The following PPP1R3F variants were observed in gnomAD, a reference collection of about 807,000 sequenced individuals.
PPP1R3F encodes the protein protein phosphatase 1 regulatory subunit 3F.
PPP1R3F carries 29 observed loss-of-function variants against 24.2 expected under a neutral mutation model. The observed-to-expected ratio is 1.20, with a 90% CI of 0.89 to 1.63. The LOEUF (loss-of-function observed/expected upper bound fraction) is 1.63, where lower values mean the gene tolerates loss of function less well. Ranked by LOEUF, PPP1R3F falls within the 40% of genes most tolerant of loss-of-function variation. PPP1R3F has a pLI of 0.00. For synonymous variants in PPP1R3F, 363 were observed against 340.1 expected, an observed-to-expected ratio of 1.07 and a Z score of -0.74; for missense variants, 823 against 729.3, an observed-to-expected ratio of 1.13 and a Z score of -1.48.
intron 3 of PPP1R3F, among the ~76,000 whole-genome samples, chrX:49,300,654 T>C (rs782387563): frequency 1.8e-5 from 2 of 109,675 alleles, no homozygotes; most frequent in East Asian, 5.7e-4. Flanking sequence ...CGTGGCCCGA[T>C]TAATTTTGTT....
At chrX:49,284,975 G>A (rs954604374) in intron 3 of PPP1R3F, among the ~76,000 whole-genome samples, 1 of 111,429 alleles carries the variant, frequency 9.0e-6, no homozygotes, top group Non-Finnish European at 1.9e-5. Flanking sequence ...TTAAAGAGAA[G>A]ATGATACATC....
intron 3 of PPP1R3F, among the ~76,000 whole-genome samples, chrX:49,283,676 G>A (rs2066263182): frequency 1.8e-5 from 2 of 111,372 alleles, no homozygotes; most frequent in Admixed American, 1.9e-4. Context: ...TTTGTTGGTT[G>A]AAGAAACTTT....
At chrX:49,276,674 G>A (rs782231494) in intron 1 of PPP1R3F, among the ~76,000 whole-genome samples, 2 of 111,876 alleles carry the variant, frequency 1.8e-5, no homozygotes, top group South Asian at 3.7e-4. Flanking sequence ...ACTATGGGTC[G>A]TGGCCAAAGA....
chrX:49,293,408 C>T (rs1405765814), intron 3 of PPP1R3F, among the ~76,000 whole-genome samples: 1 of 112,193 alleles, frequency 8.9e-6, no homozygotes, highest in African/African-American at 3.2e-5. Context: ...TATATGTAAA[C>T]TTGGGAGAGA....
chrX:49,300,081 C>T (rs1474497720), intron 3 of PPP1R3F, among the ~76,000 whole-genome samples: 1 of 111,859 alleles, frequency 8.9e-6, no homozygotes, highest in Non-Finnish European at 1.9e-5. Flanking sequence ...CTGCAGCAAG[C>T]TCCATATCTG....
intron 3 of PPP1R3F, among the ~76,000 whole-genome samples, chrX:49,282,453 G>C (rs2066255403): frequency 2.0e-5 from 2 of 99,073 alleles, no homozygotes; most frequent in Non-Finnish European, 4.1e-5. Context: ...CTGTGTGTGT[G>C]TGTGTGTGTG....
intron 1 of PPP1R3F, chrX:49,273,120 A>G (rs1367030422): frequency 1.9e-5 from 2 of 105,446 alleles, no homozygotes; most frequent in Admixed American, 2.1e-4. Context: ...GTACATATGT[A>G]TGCACTTGTG....
rs1557118805 is a variant in PPP1R3F, at chrX:49,270,378, T to A, written c.509T>A (p.Val170Glu). The A allele has an allele frequency of 3.4e-6, 4 of 1,160,383 alleles. No individual in the cohort carries two copies. The highest frequency in any genetic ancestry group is 4.6e-6 in the Non-Finnish European group (4 of 876,056). Residue 170 changes from valine (V) to glutamate (E), a missense_variant, in exon 1 of 4, where the codon GTG becomes GAG. Coordinates refer to ENST00000055335, the MANE Select transcript of PPP1R3F (RefSeq NM_033215.5). ...CCGGTGCTGCGCGGGTTGGTACGCG[T>A]GCTGAACCGCTCCTTCGAGAAGGCG... is the stretch of plus-strand genomic sequence containing the variant. The part of the protein sequence containing the change: ...RPPVLRGLVR[V>E]LNRSFEKAVH...
intron 3 of PPP1R3F, among the ~76,000 whole-genome samples, chrX:49,285,432 G>A (rs2066275624): frequency 1.8e-5 from 2 of 111,484 alleles, no homozygotes; most frequent in African/African-American, 6.5e-5. Flanking sequence ...CTAGTTTCAT[G>A]TGATCCGCCC....
rs782200406 is a variant in PPP1R3F at position 49,269,804 on chromosome X, G to C, written c.-66G>C. 1 of 698,264 alleles carries C rather than the reference G, an allele frequency of 1.4e-6. No individual in the cohort carries two copies. Among genetic ancestry groups the C allele is most frequent in the Admixed American group, 7.0e-5 (1 of 14,384 alleles). 57.5% of individuals were successfully genotyped at this position (698,264 alleles called of 1,213,427 possible). A position where few individuals can be genotyped will look rare whatever the true frequency, so the allele number is the denominator to read the frequency against. On this transcript the variant is annotated 5_prime_UTR_variant, in exon 1 of 4. Transcript: ENST00000055335. ...GCGCTGGCCTTCCCATTGGCTGCCCGCCCCTTCAGGCCCTGCCCCCGCCGG... is the reference window on the plus strand; with the variant it reads ...GCGCTGGCCTTCCCATTGGCTGCCCCCCCCTTCAGGCCCTGCCCCCGCCGG...
chrX:49,285,438 C>T (rs193240548), intron 3 of PPP1R3F, among the ~76,000 whole-genome samples: 22 of 111,385 alleles, frequency 2.0e-4, no homozygotes, highest in Non-Finnish European at 3.4e-4. Flanking sequence ...TCATGTGATC[C>T]GCCCGCCTTG....
At chrX:49,283,846 CTTT>C (rs1261868918) in intron 3 of PPP1R3F, among the ~76,000 whole-genome samples, 2 of 109,961 alleles carry the variant, frequency 1.8e-5, no homozygotes, top group East Asian at 2.8e-4. Flanking sequence ...TGTATTTAAT[CTTT>C]TATTATTAAA....
Position 49,269,997 on chromosome X carries a change from C to A in PPP1R3F, c.128C>A (p.Ala43Asp). The change falls in exon 1 of 4, where the codon GCC becomes GAC. Residue 43 changes from alanine (A) to aspartate (D), a missense_variant. By Grantham distance (126) the Ala-to-Asp change is moderately radical (BLOSUM62 -2). Coordinates refer to ENST00000055335, the MANE Select transcript of PPP1R3F (RefSeq NM_033215.5). ...APRRVLFADE[A>D]LGLPLAQLRR... ...CGGAGGGTGCTGTTCGCCGACGAGG[C>A]CTTGGGGCTGCCGCTGGCGCAGTTG... 6 of 921,833 alleles carry A rather than the reference C, an allele frequency of 6.5e-6. No individual in the cohort carries two copies. Among genetic ancestry groups the A allele is most frequent in the Non-Finnish European group, 8.0e-6 (6 of 746,563 alleles). The allele number at this position is 921,833 out of a possible 1,213,427, so 76.0% of individuals were successfully genotyped here.
At position 49,282,021 on chromosome X, in the gene PPP1R3F, A is replaced by G. The variant is rs781794235; in HGVS notation, c.1101A>G (p.Val367=). The part of the protein sequence containing the change: ...PDVQESVGPL[V]APTPLRPWPQ... ...TCCAGGAGTCAGTGGGTCCACTGGT[A>G]GCCCCCACCCCTCTCCGTCCATGGC... The change falls in exon 3 of 4, where the codon GTA becomes GTG. Residue 367 remains valine, a synonymous_variant. Coordinates refer to ENST00000055335, the MANE Select transcript of PPP1R3F (RefSeq NM_033215.5). 8.3e-7 allele frequency: 1 copy of G among 1,208,446 alleles called. No homozygotes were observed. Among genetic ancestry groups the G allele is most frequent in the African/African-American group, 1.8e-5 (1 of 57,025 alleles).
rs782740310 is a variant in PPP1R3F, at chrX:49,286,375, G to A, written c.1685G>A (p.Arg562His). Residue 562 changes from arginine to histidine, a missense_variant, in exon 4 of 4, where the codon CGT (arginine) becomes CAT (histidine). Arg to His is a conservative substitution (Grantham distance 29). Coordinates refer to ENST00000055335, the MANE Select transcript of PPP1R3F (RefSeq NM_033215.5). ...EITLHYARLG[R>H]GVELIKDTED... ...ACGCTGCACTATGCCCGGCTGGGGC[G>A]TGGCGTGGAGCTCATCAAGGACACC... 6 of 1,192,493 alleles carry A rather than the reference G, an allele frequency of 5.0e-6. No homozygotes were observed. The highest frequency in any genetic ancestry group is 3.0e-5 in the East Asian group (1 of 33,576).
rs189898477 is a variant in PPP1R3F, at chrX:49,283,096, A to C, written c.1143+1033A>C. Among the ~76,000 whole-genome samples, 571 of 110,203 alleles carry C rather than the reference A, an allele frequency of 5.2e-3. 5 individuals carry two copies. The highest frequency in any genetic ancestry group is 0.018 in the African/African-American group (544 of 30,201). On this transcript the variant is annotated intron_variant, in intron 3 of 3. Transcript: ENST00000055335. ...GTAAAATAGTATAATGAACCTACGT[A>C]CACCATCCCCCAGCTTCAGTAAATA...
chrX:49,279,296 A>T (rs1488460215), intron 1 of PPP1R3F, among the ~76,000 whole-genome samples: 3 of 112,514 alleles, frequency 2.7e-5, no homozygotes, highest in Non-Finnish European at 5.6e-5. Context: ...AATGTGAAGC[A>T]CTTAGAACAG....
downstream of PPP1R3F, among the ~76,000 whole-genome samples, chrX:49,291,288 TTCTCTCTC>T (rs781932322): frequency 0.011 from 564 of 50,594 alleles, 4 homozygotes; most frequent in Middle Eastern, 0.014. Context: ...CAGCCTACTT[TTCTCTCTC>T]TCTCTCTCTC....
chrX:49,291,316 C>G (rs12861039), downstream of PPP1R3F, among the ~76,000 whole-genome samples: 14 of 88,334 alleles, frequency 1.6e-4, no homozygotes, highest in Admixed American at 3.8e-4. Flanking sequence ...CTCTCTCTCT[C>G]TCTCTCTCTC....
Sources: allele counts gnomAD v4.1 joint callset (sites outside exome capture counted in the v4.1 genomes callset), GRCh38; gene constraint gnomAD v4.1.1; transcripts MANE v1.5; gene names NCBI Gene and HGNC (gene_info 2026-07-23, HGNC 2026-07-21).